The following APH1B variants were observed in gnomAD, a reference collection of about 807,000 sequenced individuals.
The protein encoded by APH1B is aph-1B gamma-secretase subunit, also known as gamma-secretase subunit APH-1B.
In APH1B, 27 loss-of-function variants were observed where a neutral mutation model predicts 28.2. The ratio of observed to expected loss-of-function variants is 0.96; its 90% CI spans 0.70 to 1.32. The LOEUF is 1.32. APH1B is among the 40% of genes most tolerant of loss of function. The pLI is 0.00. For synonymous variants in APH1B, 141 were observed against 124.6 expected, an observed-to-expected ratio of 1.13 and a Z score of -0.88; for missense variants, 305 against 313.6, an observed-to-expected ratio of 0.97 and a Z score of 0.21.
In APH1B at chr15:63,302,434, C is replaced by CT; in HGVS notation, c.570dup (p.Ile191TyrfsTer83). The CT allele has an allele frequency of 6.2e-7, 1 of 1,614,064 alleles. No individual in the cohort carries two copies. The highest frequency in any genetic ancestry group is 8.5e-7 in the Non-Finnish European group (1 of 1,179,988). Reference sequence around the variant, plus strand: ...TGAGAAGAAAAAGTGGGGCATCCTCCTTATCGTTCTCCTGACCCACCTGCT... The same window carrying CT: ...TGAGAAGAAAAAGTGGGGCATCCTCCTTTATCGTTCTCCTGACCCACCTGCT... On this transcript the variant is annotated frameshift_variant, in exon 5 of 6. Transcript: ENST00000261879. LOFTEE classifies it high-confidence loss of function.
chr15:63,279,583 G>A (rs1162448569), intron 2 of APH1B, among the ~76,000 whole-genome samples: 1 of 152,022 alleles, frequency 6.6e-6, no homozygotes, highest in Non-Finnish European at 1.5e-5. Flanking sequence ...CTAGGTACTG[G>A]GGATACATCA....
intron 2 of APH1B, among the ~76,000 whole-genome samples, chr15:63,282,794 C>G (rs1385133683): frequency 6.6e-6 from 1 of 152,108 alleles, no homozygotes; most frequent in African/African-American, 2.4e-5. Context: ...ATAACCATTG[C>G]TACAACTTTT....
intron 4 of APH1B, among the ~76,000 whole-genome samples, chr15:63,290,887 C>T (rs763562989): frequency 2.6e-5 from 4 of 151,450 alleles, no homozygotes; most frequent in Non-Finnish European, 4.4e-5. Context: ...AGTGCCATAA[C>T]GAGTAGAGAT....
chr15:63,308,543 G>C lies in APH1B; in HGVS notation c.*2762G>C, dbSNP rs771095245. 6.6e-6 allele frequency: 1 copy of C among 152,202 alleles called. No homozygotes were observed. The highest frequency in any genetic ancestry group is 1.5e-5 in the Non-Finnish European group (1 of 68,034). 9.4% of individuals were successfully genotyped at this position (152,202 alleles called of 1,614,324 possible). ...ATTTCAATGTTTGTGGAGAGTGGCA[G>C]ATTCACACCAGAAACACTAGGTGTT... On this transcript the variant is annotated 3_prime_UTR_variant, in exon 6 of 6. Coordinates refer to ENST00000261879, the MANE Select transcript of APH1B (RefSeq NM_031301.4).
At chr15:63,278,284 T>C in intron 1 of APH1B, 1 of 456,416 alleles carries the variant, frequency 2.2e-6, no homozygotes, top group East Asian at 6.9e-5. Context: ...ATGGTTCCGT[T>C]GTGCAGCCGA....
At position 63,306,020 on chromosome 15, in the gene APH1B, A is replaced by G. The variant is rs1337300507; in HGVS notation, c.*239A>G. 2 of 465,308 alleles carry G rather than the reference A, an allele frequency of 4.3e-6. No individual in the cohort carries two copies. Among genetic ancestry groups the G allele is most frequent in the East Asian group, 9.4e-5 (2 of 21,188 alleles). The allele number at this position is 465,308 out of a possible 1,614,324, so 28.8% of individuals were successfully genotyped here. On this transcript the variant is annotated 3_prime_UTR_variant, in exon 6 of 6. Transcript: ENST00000261879. ...GTAAAGCCGACTGATTCTGGGCTCC[A>G]CCTTCCAGAGCTAATTGGCCTGGGC... is the stretch of plus-strand genomic sequence containing the variant.
chr15:63,297,728 G>T (rs1335118338), intron 4 of APH1B, among the ~76,000 whole-genome samples: 1 of 152,152 alleles, frequency 6.6e-6, no homozygotes, highest in Non-Finnish European at 1.5e-5. Context: ...GTTTAAATAG[G>T]ATGTATGTAG....
At chr15:63,289,696 G>A (rs1159925646) in intron 4 of APH1B, among the ~76,000 whole-genome samples, 1 of 152,178 alleles carries the variant, frequency 6.6e-6, no homozygotes, top group East Asian at 1.9e-4. Context: ...AGATATATAT[G>A]AAATGCAAAT....
intron 1 of APH1B, 92 bp downstream of exon 1, chr15:63,277,828 G>T: frequency 1.6e-6 from 2 of 1,253,748 alleles, no homozygotes; most frequent in South Asian, 1.4e-5. Flanking sequence ...CGCGCGGCTC[G>T]ACCTTGTTGC....
chr15:63,278,872 T>C (rs2152590923), intron 1 of APH1B, among the ~76,000 whole-genome samples: 1 of 152,306 alleles, frequency 6.6e-6, no homozygotes, highest in East Asian at 1.9e-4. Flanking sequence ...TCTAGCTAGA[T>C]AGTCCTTGGC....
At chr15:63,297,591 CTT>C in intron 4 of APH1B, among the ~76,000 whole-genome samples, 1 of 152,180 alleles carries the variant, frequency 6.6e-6, no homozygotes, top group South Asian at 2.1e-4. Context: ...TACTGAAGGA[CTT>C]TTAGAATTTT....
Position 63,305,892 on chromosome 15 carries a change from T to A in APH1B, c.*111T>A. The A allele has an allele frequency of 7.5e-7, 1 of 1,340,844 alleles. No individual in the cohort carries two copies. Among genetic ancestry groups the A allele is most frequent in the Non-Finnish European group, 1.0e-6 (1 of 997,980 alleles). The allele number at this position is 1,340,844 out of a possible 1,614,324, so 83.1% of individuals were successfully genotyped here. A position where few individuals can be genotyped will look rare whatever the true frequency, so the allele number is the denominator to read the frequency against. ...GGTGGAATTGAGAAAGAAATAAAAC[T>A]ATGCAGATATGCGTTCCATTCACTT... On this transcript the variant is annotated 3_prime_UTR_variant, in exon 6 of 6. Transcript: ENST00000261879.
At chr15:63,296,495 G>A (rs144112881) in intron 4 of APH1B, among the ~76,000 whole-genome samples, 2 of 152,270 alleles carry the variant, frequency 1.3e-5, no homozygotes, top group East Asian at 1.9e-4. Context: ...AGTATTAGAC[G>A]CAATTGCTGT....
intron 4 of APH1B, among the ~76,000 whole-genome samples, chr15:63,289,671 C>T (rs760601409): frequency 2.0e-5 from 3 of 152,212 alleles, no homozygotes; most frequent in Non-Finnish European, 2.9e-5. Context: ...AAATTACCTT[C>T]AGTCTGTGTG....
rs78017198 is a variant in APH1B at position 63,286,244 on chromosome 15, C to T, written c.285-314C>T. On this transcript the variant is annotated intron_variant, in intron 2 of 5. Coordinates refer to ENST00000261879, the MANE Select transcript of APH1B (RefSeq NM_031301.4). ...ATAGGATATTGAATTAAATATTTGC[C>T]GAGTTCAGCAAGCAGTTGAAAGTGT... Among the ~76,000 whole-genome samples the T allele has an allele frequency of 3.2e-4, 48 of 152,252 alleles. 1 individual carries two copies. The East Asian group carries it at 6.9e-3, about 22-fold the overall frequency.
rs1201813862 is a variant in APH1B at position 63,308,201 on chromosome 15, C to T, written c.*2420C>T. The T allele has an allele frequency of 6.6e-6, 1 of 151,872 alleles. No individual in the cohort carries two copies. Among genetic ancestry groups the T allele is most frequent in the Non-Finnish European group, 1.5e-5 (1 of 68,000 alleles). 9.4% of individuals were successfully genotyped at this position (151,872 alleles called of 1,614,324 possible). A position where few individuals can be genotyped will look rare whatever the true frequency, so the allele number is the denominator to read the frequency against. On this transcript the variant is annotated 3_prime_UTR_variant, in exon 6 of 6. Coordinates refer to ENST00000261879, the MANE Select transcript of APH1B (RefSeq NM_031301.4). ...TACACTCCCTTCCATTCAGGATTTT[C>T]TGCTTGGAGGGAAATATGTTGACCT... is the stretch of plus-strand genomic sequence containing the variant.
At chr15:63,303,874 A>ACC (rs374335586) in intron 5 of APH1B, among the ~76,000 whole-genome samples, 2 of 145,598 alleles carry the variant, frequency 1.4e-5, no homozygotes, top group East Asian at 2.0e-4. Flanking sequence ...ACACACACAC[A>ACC]ACACACACAC....
At chr15:63,277,972 T>C in intron 1 of APH1B, 1 of 561,406 alleles carries the variant, frequency 1.8e-6, no homozygotes, top group South Asian at 2.2e-5. Flanking sequence ...GGTTTAGTGA[T>C]CCGTGAAGCT....
At chr15:63,288,838 G>A (rs1002719976) in intron 4 of APH1B, among the ~76,000 whole-genome samples, 7 of 152,164 alleles carry the variant, frequency 4.6e-5, no homozygotes, top group East Asian at 1.9e-4. Context: ...GTTAGAACCC[G>A]ATGAAAATTA....
Sources: gnomAD v4.1 joint callset for allele counts (sites outside exome capture counted in the v4.1 genomes callset) on GRCh38, gnomAD v4.1.1 for gene constraint, MANE v1.5 for transcripts, NCBI Gene and HGNC (gene_info 2026-07-23, HGNC 2026-07-21) for gene names.